Variants in TNKS2 observed in about 807,000 individuals in gnomAD.
The protein encoded by TNKS2 is poly [ADP-ribose] polymerase tankyrase-2.
In TNKS2, 72 loss-of-function variants were observed where a neutral mutation model predicts 137.6. The observed-to-expected ratio is 0.52, with a 90% CI of 0.43 to 0.64. The LOEUF (loss-of-function observed/expected upper bound fraction) is 0.64. Ranked by LOEUF, TNKS2 falls within the 30% of genes least tolerant of loss-of-function variation. TNKS2 has a pLI of 0.00. For synonymous variants in TNKS2, 516 were observed against 512.1 expected (o/e 1.01, Z -0.10); for missense variants, 1,049 against 1,410.2 (o/e 0.74, Z 4.10).
At chr10:91,857,812 T>C (rs553081783) in intron 24 of TNKS2, among the ~76,000 whole-genome samples, 169 of 152,298 alleles carry the variant, frequency 1.1e-3, no homozygotes, top group African/African-American at 3.9e-3. Flanking sequence ...ATGGTCACTC[T>C]AGGAAATTTT....
intron 1 of TNKS2, 47 bp from the exon 2 acceptor site, chr10:91,812,936 A>G (rs752911827): frequency 1.4e-5 from 23 of 1,598,464 alleles, no homozygotes; most frequent in Non-Finnish European, 2.0e-5. Flanking sequence ...CTAATTTGAT[A>G]TCTTTTCCTT....
In TNKS2 at chr10:91,864,340, T is replaced by C. The variant is rs973408515; in HGVS notation, c.*1341T>C. ...TCCTATTTTCTAATATAAAACTCTT[T>C]TCCAGGAAGCATGCTTAAGCATCTT... On this transcript the variant is annotated 3_prime_UTR_variant, in exon 27 of 27. Transcript: ENST00000371627. 2 of 152,656 alleles carry C rather than the reference T, an allele frequency of 1.3e-5. No individual in the cohort carries two copies. Among genetic ancestry groups the C allele is most frequent in the African/African-American group, 2.4e-5 (1 of 41,466 alleles). The allele number at this position is 152,656 out of a possible 1,614,324, so 9.5% of individuals were successfully genotyped here.
At chr10:91,859,261 ACT>A (rs1269682411) in intron 24 of TNKS2, among the ~76,000 whole-genome samples, 199 bp from the exon 25 acceptor site, 1 of 152,098 alleles carries the variant, frequency 6.6e-6, no homozygotes, top group Non-Finnish European at 1.5e-5. Context: ...ATAAACCAGC[ACT>A]CTGTTAGAAA....
In TNKS2 at chr10:91,816,459, G is replaced by A. The variant is rs184348986; in HGVS notation, c.425-675G>A. Reference sequence around the variant, plus strand: ...CCTTGTAAGGAGTAATTTGCACCTCGGTTTCAATGTACCTACTCCACTCCT... The same window carrying A: ...CCTTGTAAGGAGTAATTTGCACCTCAGTTTCAATGTACCTACTCCACTCCT... On this transcript the variant is annotated intron_variant, in intron 2 of 26. Coordinates refer to ENST00000371627, the MANE Select transcript of TNKS2 (RefSeq NM_025235.4). 1.1e-3 allele frequency among the ~76,000 whole-genome samples: 169 copies of A among 152,116 alleles called. 1 individual carries two copies. Among genetic ancestry groups the A allele is most frequent in the African/African-American group, 3.8e-3 (157 of 41,486 alleles).
At chr10:91,824,947 T>C (rs1003166370) in intron 7 of TNKS2, among the ~76,000 whole-genome samples, 1 of 152,176 alleles carries the variant, frequency 6.6e-6, no homozygotes, top group African/African-American at 2.4e-5. Context: ...AATTATAATG[T>C]GACAACTTAA....
In TNKS2 at chr10:91,810,963, T is replaced by A. The variant is rs531489031; in HGVS notation, c.200-2020T>A. On this transcript the variant is annotated intron_variant, in intron 1 of 26. Transcript: ENST00000371627. ...TTTTTTGAGATGGAGTCTCACTCTG[T>A]CACCCCCAGGCTGGAGTGCAGTGAC... Among the ~76,000 whole-genome samples, 4 of 123,954 alleles carry A rather than the reference T, an allele frequency of 3.2e-5. No individual in the cohort carries two copies. The East Asian group carries it at 1.1e-3, about 35-fold the overall frequency. The allele number at this position is 123,954 out of a possible 152,430, so 81.3% of individuals were successfully genotyped here.
chr10:91,820,098 A>G, intron 6 of TNKS2, 65 bp downstream of exon 6: 1 of 1,074,282 alleles, frequency 9.3e-7, no homozygotes, highest in Non-Finnish European at 1.3e-6. Context: ...AATCTTTGTA[A>G]CCTTAGAAAA....
rs746474855 is a variant in TNKS2 at position 91,845,734 on chromosome 10, G to A, written c.2170-18G>A. The stretch of plus-strand genomic sequence containing the variant: ...ACAAAATAATATTTCAGACTGTAAC[G>A]GGTATTTTCTTTTACAGCATGTAGA... On this transcript the variant is annotated intron_variant, in intron 17 of 26. Coordinates refer to ENST00000371627, the MANE Select transcript of TNKS2 (RefSeq NM_025235.4). 23 of 1,461,744 alleles carry A rather than the reference G, an allele frequency of 1.6e-5. No homozygotes were observed. The highest frequency in any genetic ancestry group is 6.1e-5 in the South Asian group (4 of 65,846). The allele number at this position is 1,461,744 out of a possible 1,614,324, so 90.5% of individuals were successfully genotyped here. A position where few individuals can be genotyped will look rare whatever the true frequency, so the allele number is the denominator to read the frequency against.
Position 91,859,656 on chromosome 10 carries a change from A to G in TNKS2, c.3281+8A>G. On this transcript the variant is annotated splice_region_variant and intron_variant, in intron 25 of 26. Transcript: ENST00000371627. ...TTGTTACATTTGCCACAGGTAAGAG[A>G]TCACTTGTTCTCATTTATTTTGGTG... 6.2e-7 allele frequency: 1 copy of G among 1,605,432 alleles called. No individual in the cohort carries two copies. Among genetic ancestry groups the G allele is most frequent in the Non-Finnish European group, 8.5e-7 (1 of 1,176,022 alleles).
At chr10:91,855,835 G>T in intron 23 of TNKS2, 147 bp downstream of exon 23, 1 of 547,726 alleles carries the variant, frequency 1.8e-6, no homozygotes, top group East Asian at 3.3e-5. Context: ...GGATACCCTT[G>T]GAAGGTTAAT....
At chr10:91,838,420 G>A (rs551253724) in intron 13 of TNKS2, among the ~76,000 whole-genome samples, 22 of 152,234 alleles carry the variant, frequency 1.4e-4, no homozygotes, top group Admixed American at 5.2e-4. Flanking sequence ...GAACATCTGC[G>A]TATTACCTAA....
chr10:91,817,041 CTT>C (rs1844725593), intron 2 of TNKS2, 91 bp from the exon 3 acceptor site: 1 of 795,478 alleles, frequency 1.3e-6, no homozygotes. Flanking sequence ...AACTTTGAGA[CTT>C]TGCTGGACCA....
chr10:91,822,379 T>G lies in TNKS2; in HGVS notation c.795+17T>G. Reference sequence around the variant, plus strand: ...TTGGTCAAGGTTAGTGCTCTTGTACTCTCCTAATTACTTTCTAGAGTTATA... The same window carrying G: ...TTGGTCAAGGTTAGTGCTCTTGTACGCTCCTAATTACTTTCTAGAGTTATA... On this transcript the variant is annotated intron_variant, in intron 7 of 26. Transcript: ENST00000371627. 2 of 1,585,006 alleles carry G rather than the reference T, an allele frequency of 1.3e-6. No homozygotes were observed. The highest frequency in any genetic ancestry group is 1.7e-6 in the Non-Finnish European group (2 of 1,154,850).
chr10:91,845,015 C>G lies in TNKS2; in HGVS notation c.2156C>G (p.Ala719Gly), dbSNP rs773654461. 2.5e-6 allele frequency: 4 copies of G among 1,609,564 alleles called. No homozygotes were observed. The highest frequency in any genetic ancestry group is 3.4e-6 in the Non-Finnish European group (4 of 1,176,838). ...DKGGLIPLHN[A>G]ASYGHVDVAA... The stretch of plus-strand genomic sequence containing the variant: ...GGAGGACTTATTCCTTTACATAATG[C>G]AGCATCTTACGGGGTAAGTTCTTCC... Residue 719 changes from alanine to glycine, a missense_variant, in exon 17 of 27, where the codon GCA (alanine) becomes GGA (glycine). Ala to Gly is a moderately conservative substitution (Grantham distance 60, BLOSUM62 0). Transcript: ENST00000371627.
intron 25 of TNKS2, among the ~76,000 whole-genome samples, chr10:91,861,386 A>G (rs926053624): frequency 6.6e-6 from 1 of 152,206 alleles, no homozygotes; most frequent in Admixed American, 6.5e-5. Flanking sequence ...ATTTTCTCCC[A>G]AGTACAGTGA....
At position 91,798,570 on chromosome 10, in the gene TNKS2, G is replaced by C; in HGVS notation, c.-121G>C. The C allele has an allele frequency of 8.9e-7, 1 of 1,123,326 alleles. No individual in the cohort carries two copies. The highest frequency in any genetic ancestry group is 1.1e-6 in the Non-Finnish European group (1 of 899,730). The allele number at this position is 1,123,326 out of a possible 1,614,324, so 69.6% of individuals were successfully genotyped here. A position where few individuals can be genotyped will look rare whatever the true frequency, so the allele number is the denominator to read the frequency against. ...CTGCGCCGGATCCGGTGACAGCAGG[G>C]AGCCAAGCGGCCCGGGCCCTGAGCG... is the stretch of plus-strand genomic sequence containing the variant. On this transcript the variant is annotated 5_prime_UTR_variant, in exon 1 of 27. Transcript: ENST00000371627.
At chr10:91,824,254 A>AC (rs1844997579) in intron 7 of TNKS2, among the ~76,000 whole-genome samples, 1 of 152,210 alleles carries the variant, frequency 6.6e-6, no homozygotes, top group African/African-American at 2.4e-5. Context: ...TCAATTGGCA[A>AC]CACTTGCCTA....
chr10:91,837,060 C>G (rs1302198721), intron 13 of TNKS2, 62 bp downstream of exon 13: 11 of 1,537,724 alleles, frequency 7.2e-6, no homozygotes, highest in African/African-American at 6.9e-5. Context: ...GTTATTTAAT[C>G]TGTACTGTTA....
chr10:91,842,528 C>T (rs1842240264), intron 16 of TNKS2, 137 bp downstream of exon 16: 1 of 751,706 alleles, frequency 1.3e-6, no homozygotes, highest in Non-Finnish European at 2.1e-6. Flanking sequence ...AATCCCAACA[C>T]TTTATGAGGC....
Sources: gnomAD v4.1 joint callset for allele counts (sites outside exome capture counted in the v4.1 genomes callset) on GRCh38, gnomAD v4.1.1 for gene constraint, MANE v1.5 for transcripts, NCBI Gene and HGNC (gene_info 2026-07-23, HGNC 2026-07-21) for gene names.